LGSN: variants seen among roughly 807,000 people sequenced by gnomAD.
LGSN encodes the protein lengsin, lens protein with glutamine synthetase domain, also known as lengsin.
A neutral mutation model predicts 19.5 loss-of-function variants in LGSN; 21 were observed. The observed-to-expected ratio is 1.07, with a 90% CI of 0.76 to 1.55. The LOEUF (loss-of-function observed/expected upper bound fraction) is 1.55, where lower values mean the gene tolerates loss of function less well. LGSN is among the 40% of genes most tolerant of loss of function. LGSN has a pLI of 0.00. For missense variants in LGSN, 673 were observed against 608.5 expected, an observed-to-expected ratio of 1.11 and a Z score of -1.12; for synonymous variants, 257 against 215.6, an observed-to-expected ratio of 1.19 and a Z score of -1.68.
At chr6:63,360,850 C>A in the LGSN span, among the ~76,000 whole-genome samples, 1 of 152,138 alleles carries the variant, frequency 6.6e-6, no homozygotes, top group Non-Finnish European at 1.5e-5. Flanking sequence ...GATGTCCTTT[C>A]TGTTTGTTAA....
chr6:63,544,754 G>A, the LGSN span, among the ~76,000 whole-genome samples: 1 of 152,068 alleles, frequency 6.6e-6, no homozygotes, highest in African/African-American at 2.4e-5. Flanking sequence ...CGTTTGGCAG[G>A]AATATCTCTG....
At chr6:63,463,376 G>A in the LGSN span, among the ~76,000 whole-genome samples, 2 of 152,232 alleles carry the variant, frequency 1.3e-5, no homozygotes, top group African/African-American at 2.4e-5. Context: ...CCAGTAAGGT[G>A]TGCCACAGAA....
chr6:63,376,121 T>C, the LGSN span, among the ~76,000 whole-genome samples: 3 of 152,220 alleles, frequency 2.0e-5, no homozygotes, highest in Non-Finnish European at 4.4e-5. Context: ...CCTTACTTCA[T>C]ACCAGATTAT....
At chr6:63,568,457 G>A in the LGSN span, among the ~76,000 whole-genome samples, 1 of 152,072 alleles carries the variant, frequency 6.6e-6, no homozygotes, top group East Asian at 1.9e-4. Flanking sequence ...ACAGTTTGTG[G>A]TGGCCCAAAA....
chr6:63,439,429 T>C, the LGSN span, among the ~76,000 whole-genome samples: 1 of 151,964 alleles, frequency 6.6e-6, no homozygotes, highest in Admixed American at 6.6e-5. Flanking sequence ...GAGCCCATAA[T>C]CCCAGCTACC....
chr6:63,459,485 C>A, the LGSN span, among the ~76,000 whole-genome samples: 1 of 151,978 alleles, frequency 6.6e-6, no homozygotes, highest in African/African-American at 2.4e-5. Flanking sequence ...GAACTCCTGC[C>A]CTCAAGCAAT....
At chr6:63,570,170 A>G in the LGSN span, among the ~76,000 whole-genome samples, 1 of 152,172 alleles carries the variant, frequency 6.6e-6, no homozygotes, top group African/African-American at 2.4e-5. Context: ...GTTTTCTAAA[A>G]GTACAAACAA....
chr6:63,293,551 C>G (rs1767853550), intron 2 of LGSN: 3 of 296,316 alleles, frequency 1.0e-5, no homozygotes, highest in African/African-American at 4.4e-5. Flanking sequence ...TGTTCTGACT[C>G]CCGGGCTAGT....
At chr6:63,336,225 C>A in the LGSN span, among the ~76,000 whole-genome samples, 1 of 151,788 alleles carries the variant, frequency 6.6e-6, no homozygotes, top group African/African-American at 2.4e-5. Flanking sequence ...TTTTAAAGAG[C>A]TAGAAGAGAG....
At chr6:63,567,364 T>G in the LGSN span, among the ~76,000 whole-genome samples, 2 of 152,250 alleles carry the variant, frequency 1.3e-5, no homozygotes, top group African/African-American at 4.8e-5. Flanking sequence ...GGTTGCAGAA[T>G]GGATGCTGTG....
rs756580891 is a variant in LGSN at position 63,280,537 on chromosome 6, C to T, written c.1014G>A (p.Thr338=). The change falls in exon 4 of 4, where the codon ACG becomes ACA. Residue 338 remains threonine (T), a synonymous_variant. Coordinates refer to ENST00000370657, the MANE Select transcript of LGSN (RefSeq NM_016571.3). ...FCSTSGTEQL[T]ITGKKWLAGL... ...CTGCCAACCATTTTTTCCCAGTGAT[C>T]GTGAGCTGCTCAGTTCCAGAAGTGC... 10 of 1,614,056 alleles carry T rather than the reference C, an allele frequency of 6.2e-6. No homozygotes were observed. The East Asian group carries it at 6.7e-5, about 11-fold the overall frequency.
chr6:63,567,185 C>T, the LGSN span, among the ~76,000 whole-genome samples: 1 of 152,210 alleles, frequency 6.6e-6, no homozygotes, highest in Non-Finnish European at 1.5e-5. Flanking sequence ...GATACTTTTA[C>T]CTCCTCTCAT....
At chr6:63,296,198 A>T (rs1767971663) in intron 1 of LGSN, among the ~76,000 whole-genome samples, 1 of 152,184 alleles carries the variant, frequency 6.6e-6, no homozygotes. Context: ...TATATTTCCT[A>T]GAACAAAGGC....
At chr6:63,362,234 T>C in the LGSN span, among the ~76,000 whole-genome samples, 1 of 152,064 alleles carries the variant, frequency 6.6e-6, no homozygotes, top group African/African-American at 2.4e-5. Context: ...CAGAAACCAG[T>C]AAGAGGAGAT....
At chr6:63,300,366 G>GC (rs2127390517) in intron 1 of LGSN, among the ~76,000 whole-genome samples, 1 of 152,290 alleles carries the variant, frequency 6.6e-6, no homozygotes, top group Admixed American at 6.5e-5. Flanking sequence ...TCTTAAAGCT[G>GC]CGTTAAATTC....
At chr6:63,458,914 G>T in the LGSN span, among the ~76,000 whole-genome samples, 1 of 152,136 alleles carries the variant, frequency 6.6e-6, no homozygotes, top group African/African-American at 2.4e-5. Flanking sequence ...GACAAATTAG[G>T]CTCAGTTTTT....
the LGSN span, among the ~76,000 whole-genome samples, chr6:63,435,585 C>T: frequency 2.7e-5 from 4 of 146,174 alleles, no homozygotes; most frequent in African/African-American, 9.9e-5. Flanking sequence ...TATGTCAGAT[C>T]GTGTGACTTC....
chr6:63,529,008 G>A, the LGSN span, among the ~76,000 whole-genome samples: 15 of 151,130 alleles, frequency 9.9e-5, no homozygotes, highest in South Asian at 3.1e-3. Context: ...AGAATCACTT[G>A]AATCTGGGAG....
At position 63,319,935 on chromosome 6, in the gene LGSN, A is replaced by G. The variant is rs149188896; in HGVS notation, c.9T>C (p.Asn3=). The change falls in exon 1 of 4, where the codon AAT becomes AAC. Residue 3 remains asparagine, a synonymous_variant. Coordinates refer to ENST00000370657, the MANE Select transcript of LGSN (RefSeq NM_016571.3). MN[N]EEDLLQEDST... is the part of the protein sequence containing the mutation. ...ATACCTCCTGCAGAAGGTCCTCTTC[A>G]TTATTCATCTCAACACTTTTTAAGT... The G allele has an allele frequency of 3.0e-4, 486 of 1,610,002 alleles. No homozygotes were observed. Among genetic ancestry groups the G allele is most frequent in the Non-Finnish European group, 3.9e-4 (454 of 1,176,424 alleles).
Sources: allele counts gnomAD v4.1 joint callset (sites outside exome capture counted in the v4.1 genomes callset), GRCh38; gene constraint gnomAD v4.1.1; transcripts MANE v1.5; gene names NCBI Gene and HGNC (gene_info 2026-07-23, HGNC 2026-07-21).